The following SNTG1 variants were observed in gnomAD, a reference collection of about 807,000 sequenced individuals.
SNTG1 encodes syntrophin gamma 1, also known as gamma-1-syntrophin.
SNTG1 carries 39 observed loss-of-function variants against 74.7 expected under a neutral mutation model. The ratio of observed to expected loss-of-function variants is 0.52; its 90% CI spans 0.40 to 0.68. The LOEUF (loss-of-function observed/expected upper bound fraction) is 0.68, where lower values mean the gene tolerates loss of function less well. Ranked by LOEUF, SNTG1 falls within the 30% of genes least tolerant of loss-of-function variation. SNTG1 has a pLI of 0.00. For missense variants in SNTG1, 685 were observed against 609.5 expected, an observed-to-expected ratio of 1.12 and a Z score of -1.30; for synonymous variants, 254 against 217.1, an observed-to-expected ratio of 1.17 and a Z score of -1.49.
intron 1 of SNTG1, among the ~76,000 whole-genome samples, chr8:50,114,128 A>G (rs2131320101): frequency 6.6e-6 from 1 of 152,272 alleles, no homozygotes; most frequent in South Asian, 2.1e-4. Context: ...GAATAATACT[A>G]TATCACATAA....
At chr8:50,340,633 C>T (rs1448955489) in intron 2 of SNTG1, among the ~76,000 whole-genome samples, 1 of 151,882 alleles carries the variant, frequency 6.6e-6, no homozygotes, top group Non-Finnish European at 1.5e-5. Context: ...CCTAAGACAA[C>T]ATGGCAGAAT....
intron 2 of SNTG1, among the ~76,000 whole-genome samples, chr8:50,279,380 A>C (rs1325817977): frequency 1.3e-5 from 2 of 152,144 alleles, no homozygotes; most frequent in Non-Finnish European, 2.9e-5. Flanking sequence ...TGAAAATTTG[A>C]ATTAATATAT....
At chr8:50,400,574 A>G (rs1171061094) in intron 3 of SNTG1, among the ~76,000 whole-genome samples, 2 of 152,196 alleles carry the variant, frequency 1.3e-5, no homozygotes, top group Non-Finnish European at 2.9e-5. Context: ...AGGAATCTTC[A>G]TACTGTTTTC....
Position 50,653,890 on chromosome 8 carries a change from G to A in SNTG1, c.850-3019G>A, listed in dbSNP as rs77416409. 5.7e-3 allele frequency among the ~76,000 whole-genome samples: 860 copies of A among 152,188 alleles called. 13 individuals are homozygous for A. Among genetic ancestry groups the A allele is most frequent in the African/African-American group, 0.02 (828 of 41,534 alleles). On this transcript the variant is annotated intron_variant, in intron 13 of 18. Coordinates refer to ENST00000642720, the MANE Select transcript of SNTG1 (RefSeq NM_018967.5). Reference sequence around the variant, plus strand: ...AGTTAAAGTTTTCCAGAAGCTAAACGATGTGTGGTATTACAGGAGAGTAAA... The same window carrying A: ...AGTTAAAGTTTTCCAGAAGCTAAACAATGTGTGGTATTACAGGAGAGTAAA...
chr8:50,471,684 C>A (rs1335173628), intron 8 of SNTG1, among the ~76,000 whole-genome samples: 3 of 152,154 alleles, frequency 2.0e-5, no homozygotes, highest in Non-Finnish European at 4.4e-5. Flanking sequence ...CAGGTTTATT[C>A]ATAACCAACA....
chr8:50,105,235 A>C (rs995726298), intron 1 of SNTG1, among the ~76,000 whole-genome samples: 1 of 152,110 alleles, frequency 6.6e-6, no homozygotes. Context: ...TCCAGCTCCT[A>C]TCTTCTGCAT....
chr8:50,441,076 C>T (rs1362089829), intron 5 of SNTG1, among the ~76,000 whole-genome samples: 1 of 152,136 alleles, frequency 6.6e-6, no homozygotes, highest in Admixed American at 6.6e-5. Context: ...ATGGTAATTC[C>T]TCACATCTCC....
chr8:50,131,366 A>G (rs1334855717), intron 1 of SNTG1, among the ~76,000 whole-genome samples: 1 of 152,152 alleles, frequency 6.6e-6, no homozygotes, highest in African/African-American at 2.4e-5. Flanking sequence ...TTCAAGGTGT[A>G]CAACATTAAG....
At chr8:50,525,587 A>G (rs559179458) in intron 9 of SNTG1, among the ~76,000 whole-genome samples, 1 of 151,928 alleles carries the variant, frequency 6.6e-6, no homozygotes, top group African/African-American at 2.4e-5. Flanking sequence ...TAGTCCTCAA[A>G]TGTCATGCCT....
chr8:50,006,924 G>A (rs1479726532), intron 1 of SNTG1, among the ~76,000 whole-genome samples: 2 of 152,166 alleles, frequency 1.3e-5, no homozygotes, highest in African/African-American at 4.8e-5. Flanking sequence ...CCCACAGTGT[G>A]ATATCCCTGC....
At chr8:49,947,785 C>T (rs937809118) in intron 1 of SNTG1, among the ~76,000 whole-genome samples, 12 of 152,108 alleles carry the variant, frequency 7.9e-5, no homozygotes, top group African/African-American at 2.9e-4. Flanking sequence ...GATACTTAAA[C>T]ATCATCCAAA....
chr8:50,310,517 T>A (rs2090068543), intron 2 of SNTG1, among the ~76,000 whole-genome samples: 1 of 152,108 alleles, frequency 6.6e-6, no homozygotes, highest in Non-Finnish European at 1.5e-5. Context: ...GGAGAAACCC[T>A]GTCTCTACTA....
At chr8:49,975,977 C>T (rs1370902602) in intron 1 of SNTG1, among the ~76,000 whole-genome samples, 1 of 152,106 alleles carries the variant, frequency 6.6e-6, no homozygotes, top group Non-Finnish European at 1.5e-5. Flanking sequence ...GCTAGTTTTA[C>T]AAACTACATT....
chr8:50,696,235 T>A (rs746442642), intron 15 of SNTG1, among the ~76,000 whole-genome samples: 2 of 152,120 alleles, frequency 1.3e-5, no homozygotes, highest in Non-Finnish European at 2.9e-5. Context: ...GAGCATTTTT[T>A]CAAATGTCTG....
intron 1 of SNTG1, among the ~76,000 whole-genome samples, chr8:49,938,601 TC>T (rs1298347918): frequency 1.4e-3 from 75 of 54,584 alleles, no homozygotes; most frequent in Admixed American, 2.6e-3. Flanking sequence ...TCTTTTCTTT[TC>T]TTTTCTTTCT....
chr8:50,381,286 T>C (rs372860647), intron 2 of SNTG1, among the ~76,000 whole-genome samples: 23 of 152,060 alleles, frequency 1.5e-4, no homozygotes, highest in African/African-American at 5.3e-4. Context: ...CTTTTATCCA[T>C]GGATACAGAA....
chr8:50,658,683 A>G lies in SNTG1; in HGVS notation c.1038+20A>G. The stretch of plus-strand genomic sequence containing the variant: ...CTCAAGGTATGATCAATATGTAGTC[A>G]GTATTTGAATGGCTTTTCCTCAGCA... On this transcript the variant is annotated intron_variant, in intron 15 of 18. Transcript: ENST00000642720. The G allele has an allele frequency of 1.9e-6, 3 of 1,573,446 alleles. No homozygotes were observed. Among genetic ancestry groups the G allele is most frequent in the Non-Finnish European group, 2.6e-6 (3 of 1,150,946 alleles).
intron 1 of SNTG1, among the ~76,000 whole-genome samples, chr8:50,163,268 T>C (rs1159378284): frequency 1.3e-5 from 2 of 152,200 alleles, no homozygotes; most frequent in African/African-American, 4.8e-5. Flanking sequence ...TATTCTCTAG[T>C]TTTAAATTTT....
rs200129335 is a variant in SNTG1 at position 50,541,243 on chromosome 8, C to CTGTGTGTGTGTGTGTG, written c.680+4454_680+4469dup. Among the ~76,000 whole-genome samples the CTGTGTGTGTGTGTGTG allele has an allele frequency of 7.4e-3, 1,053 of 143,034 alleles. 14 individuals carry two copies. Among genetic ancestry groups the CTGTGTGTGTGTGTGTG allele is most frequent in the African/African-American group, 0.025 (967 of 38,412 alleles). 93.8% of individuals were successfully genotyped at this position (143,034 alleles called of 152,430 possible). ...ACAAAATTCACCACTAAGATTTTAC[C>CTGTGTGTGTGTGTGTG]TGTGTGTGTGTGTGTGTGTGTGTGT... On this transcript the variant is annotated intron_variant, in intron 11 of 18. Transcript: ENST00000642720.
Sources: gnomAD v4.1 joint callset for allele counts (sites outside exome capture counted in the v4.1 genomes callset) on GRCh38, gnomAD v4.1.1 for gene constraint, MANE v1.5 for transcripts, NCBI Gene and HGNC (gene_info 2026-07-23, HGNC 2026-07-21) for gene names.